The following NFKBIZ variants were observed in gnomAD, a reference collection of about 807,000 sequenced individuals.
NFKBIZ encodes the protein NF-kappa-B inhibitor zeta.
A neutral mutation model predicts 76.8 loss-of-function variants in NFKBIZ; 19 were observed. The observed-to-expected ratio is 0.25, with a 90% CI of 0.17 to 0.36. The LOEUF (loss-of-function observed/expected upper bound fraction) is 0.36. Among genes scored for constraint, NFKBIZ ranks in the 10% least tolerant of loss-of-function variants. The probability of loss-of-function intolerance (pLI) is 1.00; values close to 1 mark genes in which losing one functional copy is unlikely to be tolerated. For missense variants in NFKBIZ, 829 were observed against 910.9 expected, an observed-to-expected ratio of 0.91 and a Z score of 1.16; for synonymous variants, 368 against 354.8, an observed-to-expected ratio of 1.04 and a Z score of -0.42.
upstream of NFKBIZ, chr3:101,849,477 G>A: frequency 1.7e-6 from 1 of 599,644 alleles, no homozygotes; most frequent in East Asian, 3.7e-5. Flanking sequence ...CGAGCGCTGC[G>A]GCCCGTTAAA....
In NFKBIZ at chr3:101,849,911, C is replaced by T; in HGVS notation, c.283C>T (p.Gln95Ter). 7.0e-7 allele frequency: 1 copy of T among 1,421,290 alleles called. No homozygotes were observed. The highest frequency in any genetic ancestry group is 1.5e-5 in the African/African-American group (1 of 66,706). The allele number at this position is 1,421,290 out of a possible 1,614,324, so 88.0% of individuals were successfully genotyped here. ...RSRGGARAERQPVEPHMGVGR... is the reference protein window; with the variant it reads ...RSRGGARAER Reference sequence around the variant, plus strand: ...GAGAGGCGGCGCCCGCGCCGAGCGCCAGCCAGGTACCCGCCGGCCCCGCAC... The same window carrying T: ...GAGAGGCGGCGCCCGCGCCGAGCGCTAGCCAGGTACCCGCCGGCCCCGCAC... The change falls in exon 1 of 12, where the codon CAG becomes TAG. Residue 95 changes from glutamine to a stop codon, truncating the protein, a stop_gained. Transcript: ENST00000326172. LOFTEE classifies it high-confidence loss of function.
At chr3:101,849,307 G>T, upstream of NFKBIZ, 1 of 236,122 alleles carries the variant, frequency 4.2e-6, no homozygotes, top group South Asian at 1.6e-4. Context: ...GCAAACAACC[G>T]GTCGGTCTGG....
intron 9 of NFKBIZ, 153 bp from the exon 10 acceptor site, chr3:101,856,920 C>A: frequency 1.7e-6 from 1 of 589,974 alleles, no homozygotes; most frequent in Non-Finnish European, 3.0e-6. Flanking sequence ...TTCCATTTAG[C>A]TTGGGATTAA....
Position 101,857,443 on chromosome 3 carries a change from G to T in NFKBIZ, c.2087G>T (p.Gly696Val). The T allele has an allele frequency of 6.2e-7, 1 of 1,614,154 alleles. No homozygotes were observed. The highest frequency in any genetic ancestry group is 8.5e-7 in the Non-Finnish European group (1 of 1,180,028). Residue 696 changes from glycine (G) to valine (V), a missense_variant, in exon 11 of 12, where the codon GGC (glycine) becomes GTC (valine). Coordinates refer to ENST00000326172, the MANE Select transcript of NFKBIZ (RefSeq NM_031419.4). ...NEQPVHLVPDGPVGEQIRRIL... is the reference protein window; with the variant it reads ...NEQPVHLVPDVPVGEQIRRIL... ...CAGCCAGTGCATTTGGTTCCCGATGGCCCTGTGGGAGAACAGGTGAGAGGC... is the reference window on the plus strand; with the variant it reads ...CAGCCAGTGCATTTGGTTCCCGATGTCCCTGTGGGAGAACAGGTGAGAGGC...
upstream of NFKBIZ, among the ~76,000 whole-genome samples, chr3:101,845,751 C>T (rs1211379033): frequency 6.6e-6 from 1 of 152,116 alleles, no homozygotes; most frequent in Non-Finnish European, 1.5e-5. Context: ...GGAAAGATAG[C>T]GTTCTCATAT....
chr3:101,854,532 G>A, intron 5 of NFKBIZ, 46 bp from the exon 6 acceptor site: 1 of 1,081,728 alleles, frequency 9.2e-7, no homozygotes, highest in Non-Finnish European at 1.4e-6. Flanking sequence ...GAACAACTTA[G>A]TGAAATCAGA....
intron 2 of NFKBIZ, among the ~76,000 whole-genome samples, chr3:101,842,508 A>G (rs777802987): frequency 5.3e-5 from 8 of 152,100 alleles, no homozygotes; most frequent in Non-Finnish European, 1.2e-4. Flanking sequence ...ATGTGGCCCA[A>G]CACAAATTCA....
In NFKBIZ at chr3:101,860,154, A is replaced by G. The variant is rs941989544; in HGVS notation, c.*783A>G. 2 of 151,674 alleles carry G rather than the reference A, an allele frequency of 1.3e-5. No homozygotes were observed. Among genetic ancestry groups the G allele is most frequent in the Admixed American group, 6.6e-5 (1 of 15,210 alleles). The allele number at this position is 151,674 out of a possible 1,614,324, so 9.4% of individuals were successfully genotyped here. Reference sequence around the variant, plus strand: ...ATGCTTTTTCTCATGCATTGAAATTATACATTATTTGTAGGGAATTGCATG... The same window carrying G: ...ATGCTTTTTCTCATGCATTGAAATTGTACATTATTTGTAGGGAATTGCATG... On this transcript the variant is annotated 3_prime_UTR_variant, in exon 12 of 12. Coordinates refer to ENST00000326172, the MANE Select transcript of NFKBIZ (RefSeq NM_031419.4).
At chr3:101,832,151 C>G (rs1265259064) in intron 2 of NFKBIZ, among the ~76,000 whole-genome samples, 1 of 152,034 alleles carries the variant, frequency 6.6e-6, no homozygotes, top group Non-Finnish European at 1.5e-5. Context: ...GTTACCCAGA[C>G]TGGTCTCAAA....
intron 2 of NFKBIZ, among the ~76,000 whole-genome samples, chr3:101,836,696 T>G (rs1268588247): frequency 6.6e-6 from 1 of 152,254 alleles, no homozygotes; most frequent in Non-Finnish European, 1.5e-5. Context: ...AATTTGTTCT[T>G]TAACAAATGT....
intron 9 of NFKBIZ, 83 bp from the exon 10 acceptor site, chr3:101,856,990 C>G: frequency 1.0e-6 from 1 of 974,478 alleles, no homozygotes; most frequent in South Asian, 1.5e-5. Flanking sequence ...ATCAGACATT[C>G]AGGAGACTGG....
At chr3:101,836,725 A>G (rs1224880400) in intron 2 of NFKBIZ, among the ~76,000 whole-genome samples, 1 of 152,232 alleles carries the variant, frequency 6.6e-6, no homozygotes, top group East Asian at 1.9e-4. Context: ...AAATGAACGT[A>G]CAGACACATA....
rs1475475952 is a variant in NFKBIZ, at chr3:101,859,973, TAGAAA to T, written c.*607_*611del. On this transcript the variant is annotated 3_prime_UTR_variant, in exon 12 of 12. Transcript: ENST00000326172. ...ATTTGAAATGTATAAGTCCATAAAATAGAAAAGAACAAGTGAATTGTTGCTATTTA... is the reference window on the plus strand; with the variant it reads ...ATTTGAAATGTATAAGTCCATAAAATAGAACAAGTGAATTGTTGCTATTTA... 2.0e-5 allele frequency: 3 copies of T among 152,306 alleles called. No individual in the cohort carries two copies. The highest frequency in any genetic ancestry group is 1.9e-4 in the East Asian group (1 of 5,190). The allele number at this position is 152,306 out of a possible 1,614,324, so 9.4% of individuals were successfully genotyped here. A position where few individuals can be genotyped will look rare whatever the true frequency, so the allele number is the denominator to read the frequency against.
chr3:101,844,203 G>A (rs1419364502), intron 2 of NFKBIZ, among the ~76,000 whole-genome samples: 1 of 152,182 alleles, frequency 6.6e-6, no homozygotes, highest in East Asian at 1.9e-4. Context: ...TAATAGACAA[G>A]TGCATTTCCT....
At chr3:101,835,277 G>A (rs1016422588) in intron 2 of NFKBIZ, among the ~76,000 whole-genome samples, 5 of 152,120 alleles carry the variant, frequency 3.3e-5, no homozygotes, top group African/African-American at 1.2e-4. Context: ...TTTAATCAAG[G>A]GAAGAAGAAT....
Position 101,857,471 on chromosome 3 carries a change from A to C in NFKBIZ, c.2103+12A>C. On this transcript the variant is annotated intron_variant, in intron 11 of 11. Coordinates refer to ENST00000326172, the MANE Select transcript of NFKBIZ (RefSeq NM_031419.4). The stretch of plus-strand genomic sequence containing the variant: ...CTGTGGGAGAACAGGTGAGAGGCAC[A>C]GGAGGGAGAGGAAGTATTTTTTGGC... 1 of 1,613,380 alleles carries C rather than the reference A, an allele frequency of 6.2e-7. No individual in the cohort carries two copies. The highest frequency in any genetic ancestry group is 1.1e-5 in the South Asian group (1 of 91,042).
intron 2 of NFKBIZ, among the ~76,000 whole-genome samples, chr3:101,840,753 G>A (rs535710869): frequency 2.4e-4 from 36 of 152,306 alleles, no homozygotes; most frequent in African/African-American, 8.2e-4. Flanking sequence ...TTTGTGCAAG[G>A]TGCCTCTCTG....
chr3:101,843,435 C>G lies in NFKBIZ; in HGVS notation c.-11-8650C>G, dbSNP rs1942812983. Among the ~76,000 whole-genome samples the G allele has an allele frequency of 2.0e-5, 3 of 152,020 alleles. No individual in the cohort carries two copies. The South Asian group carries it at 6.2e-4, about 32-fold the overall frequency. On this transcript the variant is annotated intron_variant, in intron 2 of 12. Transcript: ENST00000394054. ...TCCAGCCTGAGTGACAGAGTGAAACCCTGTCTCTTAAAAAAGAAACATGTG... is the reference window on the plus strand; with the variant it reads ...TCCAGCCTGAGTGACAGAGTGAAACGCTGTCTCTTAAAAAAGAAACATGTG...
chr3:101,848,553 C>A (rs1401814138), upstream of NFKBIZ, among the ~76,000 whole-genome samples: 1 of 152,194 alleles, frequency 6.6e-6, no homozygotes, highest in Non-Finnish European at 1.5e-5. Context: ...TTAAACATAG[C>A]ATGTGTGTAC....
Sources: gnomAD v4.1 joint callset for allele counts (sites outside exome capture counted in the v4.1 genomes callset) on GRCh38, gnomAD v4.1.1 for gene constraint, MANE v1.5 for transcripts, NCBI Gene and HGNC (gene_info 2026-07-23, HGNC 2026-07-21) for gene names.